The following ADGRL2 variants were observed in gnomAD, a reference collection of about 807,000 sequenced individuals.
ADGRL2 encodes calcium-independent alpha-latrotoxin receptor 2.
A neutral mutation model predicts 157.4 loss-of-function variants in ADGRL2; 44 were observed. The ratio of observed to expected loss-of-function variants is 0.28; its 90% confidence interval spans 0.22 to 0.36. The LOEUF (loss-of-function observed/expected upper bound fraction) is 0.36, where lower values mean the gene tolerates loss of function less well. Ranked by LOEUF, ADGRL2 falls within the 10% of genes least tolerant of loss-of-function variation. The pLI is 1.00. For synonymous variants in ADGRL2, 585 were observed against 624.7 expected (o/e 0.94, Z 0.95); for missense variants, 1,510 against 1,768.9 (o/e 0.85, Z 2.63).
At chr1:81,342,089 A>C (rs924444486) in intron 1 of ADGRL2, among the ~76,000 whole-genome samples, 1 of 152,152 alleles carries the variant, frequency 6.6e-6, no homozygotes, top group South Asian at 2.1e-4. Context: ...TGTGAAACAA[A>C]GATTTTTTTG....
rs1467132890 is a variant in ADGRL2 at position 81,971,891 on chromosome 1, CATT to C, written c.2995_2997del (p.Ile999del). 1 of 1,611,828 alleles carries C rather than the reference CATT, an allele frequency of 6.2e-7. No homozygotes were observed. ...TTGATAACTACTTTATATGGAGCTT[CATT>C]GGACCTGTTACCTTCATTATTCTGG... On this transcript the variant is annotated inframe_deletion, in exon 17 of 24. Coordinates refer to ENST00000686636, the MANE Select transcript of ADGRL2 (RefSeq NM_001366006.2).
In ADGRL2 at chr1:81,692,014, A is replaced by G. The variant is rs140156929; in HGVS notation, c.-142-69797A>G. 6.5e-3 allele frequency among the ~76,000 whole-genome samples: 982 copies of G among 151,358 alleles called. 6 individuals carry two copies. The highest frequency in any genetic ancestry group is 0.01 in the Non-Finnish European group (689 of 67,928). Reference sequence around the variant, plus strand: ...GATATATACACATACACTTTCATATACAGTATATATGATATATATATATTC... The same window carrying G: ...GATATATACACATACACTTTCATATGCAGTATATATGATATATATATATTC... On this transcript the variant is annotated intron_variant, in intron 3 of 24. Coordinates refer to the ADGRL2 transcript ENST00000370721.
At chr1:81,869,319 G>T (rs1398940799) in intron 2 of ADGRL2, among the ~76,000 whole-genome samples, 1 of 151,704 alleles carries the variant, frequency 6.6e-6, no homozygotes, top group African/African-American at 2.4e-5. Context: ...CCTATTACCT[G>T]ATCAAAGTTC....
chr1:81,584,226 A>G (rs1350075963), intron 3 of ADGRL2, among the ~76,000 whole-genome samples: 2 of 152,044 alleles, frequency 1.3e-5, no homozygotes, highest in African/African-American at 2.4e-5. Flanking sequence ...TCATCTATTC[A>G]CTTCACACAT....
At chr1:81,778,299 G>A (rs992063549) in intron 2 of ADGRL2, among the ~76,000 whole-genome samples, 16 of 146,498 alleles carry the variant, frequency 1.1e-4, no homozygotes, top group Admixed American at 1.4e-4. Context: ...TCCAGCCTGG[G>A]CGACAGAGCG....
intron 2 of ADGRL2, among the ~76,000 whole-genome samples, chr1:81,450,163 T>C (rs2077678452): frequency 6.6e-6 from 1 of 152,182 alleles, no homozygotes; most frequent in Non-Finnish European, 1.5e-5. Context: ...TACCTGGCTC[T>C]AAGAATAAAC....
chr1:81,766,171 T>C (rs2086109601), intron 2 of ADGRL2, among the ~76,000 whole-genome samples: 1 of 152,206 alleles, frequency 6.6e-6, no homozygotes, highest in Admixed American at 6.5e-5. Context: ...TGCTGATTAC[T>C]GCCACTACAT....
chr1:81,853,759 A>T (rs964261859), intron 2 of ADGRL2, among the ~76,000 whole-genome samples: 13 of 152,036 alleles, frequency 8.6e-5, no homozygotes, highest in Non-Finnish European at 1.8e-4. Context: ...TAAGGTTTTT[A>T]TTTTTCTGTC....
At chr1:81,620,725 G>A (rs998329261) in intron 3 of ADGRL2, among the ~76,000 whole-genome samples, 1 of 152,170 alleles carries the variant, frequency 6.6e-6, no homozygotes, top group Non-Finnish European at 1.5e-5. Flanking sequence ...CAGTTTAGTT[G>A]AGGAGAAAAA....
At chr1:81,573,453 G>GGTCT (rs1409745406) in intron 2 of ADGRL2, among the ~76,000 whole-genome samples, 1 of 151,872 alleles carries the variant, frequency 6.6e-6, no homozygotes, top group Non-Finnish European at 1.5e-5. Flanking sequence ...CAATGACATA[G>GGTCT]GTCTGTCTAT....
At chr1:81,907,878 T>C (rs2094618577) in intron 3 of ADGRL2, among the ~76,000 whole-genome samples, 1 of 152,222 alleles carries the variant, frequency 6.6e-6, no homozygotes, top group Admixed American at 6.5e-5. Flanking sequence ...ACCATTGTAG[T>C]ATCATACAGA....
intron 2 of ADGRL2, among the ~76,000 whole-genome samples, chr1:81,571,628 A>G (rs921548261): frequency 1.3e-5 from 2 of 151,986 alleles, no homozygotes; most frequent in Non-Finnish European, 2.9e-5. Context: ...TCAAGATAGA[A>G]AAGATGAGCC....
intron 1 of ADGRL2, among the ~76,000 whole-genome samples, chr1:81,703,340 G>A (rs1161559180): frequency 6.6e-6 from 1 of 152,202 alleles, no homozygotes; most frequent in African/African-American, 2.4e-5. Flanking sequence ...GGCAATTGGA[G>A]TTGTTAGGGG....
intron 3 of ADGRL2, among the ~76,000 whole-genome samples, chr1:81,692,089 T>A (rs2083352092): frequency 6.6e-6 from 1 of 151,710 alleles, no homozygotes. Flanking sequence ...GAAAGCAATT[T>A]TTCCTCAGTA....
intron 1 of ADGRL2, chr1:81,414,267 T>A (rs1168353085): frequency 1.3e-5 from 2 of 152,174 alleles, no homozygotes; most frequent in African/African-American, 4.8e-5. Context: ...AACTGGATGC[T>A]CTACATAGCA....
intron 1 of ADGRL2, among the ~76,000 whole-genome samples, chr1:81,823,387 T>C (rs2149907247): frequency 1.7e-5 from 2 of 114,438 alleles, no homozygotes; most frequent in Middle Eastern, 4.6e-3. Flanking sequence ...CCCTCTTTCC[T>C]TCCCTCCCCC....
At chr1:81,783,100 T>G (rs1280281638) in intron 2 of ADGRL2, among the ~76,000 whole-genome samples, 1 of 152,172 alleles carries the variant, frequency 6.6e-6, no homozygotes, top group African/African-American at 2.4e-5. Context: ...ATAGGCATAC[T>G]TTGCCTGTAT....
At chr1:81,500,178 A>G (rs113891455) in intron 2 of ADGRL2, among the ~76,000 whole-genome samples, 33 of 152,340 alleles carry the variant, frequency 2.2e-4, no homozygotes, top group African/African-American at 7.2e-4. Context: ...ATGTGAAGAA[A>G]TGGGAACACT....
intron 22 of ADGRL2, chr1:81,987,483 AT>A (rs1663519499): frequency 4.1e-6 from 3 of 734,072 alleles, no homozygotes; most frequent in Non-Finnish European, 7.5e-6. Flanking sequence ...TATCCAAACT[AT>A]AGTATAGTGC....
Sources: gnomAD v4.1 joint callset for allele counts (sites outside exome capture counted in the v4.1 genomes callset) on GRCh38, gnomAD v4.1.1 for gene constraint, MANE v1.5 for transcripts, NCBI Gene and HGNC (gene_info 2026-07-23, HGNC 2026-07-21) for gene names.